FAM78B: variants seen among roughly 807,000 people sequenced by gnomAD.
FAM78B encodes family with sequence similarity 78 member B.
Under a neutral mutation model 20.0 loss-of-function variants are expected in FAM78B, and 10 were observed. The ratio of observed to expected loss-of-function variants is 0.50; its 90% CI spans 0.31 to 0.85. The LOEUF (loss-of-function observed/expected upper bound fraction) is 0.85, where lower values mean the gene tolerates loss of function less well. FAM78B is among the 40% of genes least tolerant of loss of function. FAM78B has a pLI of 0.05. For synonymous variants in FAM78B, 135 were observed against 132.8 expected (o/e 1.02, Z -0.12); for missense variants, 283 against 345.0 (o/e 0.82, Z 1.42).
At chr1:166,157,819 G>A (rs1032947646) in intron 1 of FAM78B, among the ~76,000 whole-genome samples, 4 of 152,124 alleles carry the variant, frequency 2.6e-5, no homozygotes, top group Non-Finnish European at 4.4e-5. Context: ...GTAGGCACAC[G>A]GCTAAAAGCT....
At chr1:166,137,949 G>A (rs899941836) in intron 1 of FAM78B, among the ~76,000 whole-genome samples, 1 of 152,176 alleles carries the variant, frequency 6.6e-6, no homozygotes, top group Non-Finnish European at 1.5e-5. Flanking sequence ...CTGGTCTCAG[G>A]CATGTCTCAG....
intron 2 of FAM78B, among the ~76,000 whole-genome samples, chr1:166,061,953 A>T (rs963441538): frequency 2.0e-4 from 30 of 152,168 alleles, no homozygotes; most frequent in African/African-American, 6.8e-4. Flanking sequence ...CACCACAATG[A>T]CTGCTTTATG....
At chr1:166,116,079 G>A (rs1654240555) in intron 1 of FAM78B, among the ~76,000 whole-genome samples, 1 of 152,196 alleles carries the variant, frequency 6.6e-6, no homozygotes, top group African/African-American at 2.4e-5. Flanking sequence ...ACCCAGCAAA[G>A]CTGGTCAGTT....
intron 1 of FAM78B, chr1:166,164,769 A>T (rs1315661727): frequency 6.6e-6 from 1 of 152,256 alleles, no homozygotes; most frequent in East Asian, 1.9e-4. Context: ...CCCACCCCAT[A>T]TCCATATTAA....
intron 1 of FAM78B, among the ~76,000 whole-genome samples, chr1:166,092,725 G>C (rs1653127053): frequency 6.6e-6 from 1 of 152,122 alleles, no homozygotes; most frequent in African/African-American, 2.4e-5. Flanking sequence ...TTTCATTTTA[G>C]GTCCAACCAT....
intron 1 of FAM78B, among the ~76,000 whole-genome samples, chr1:166,130,855 C>G (rs1280479866): frequency 1.3e-5 from 2 of 152,086 alleles, no homozygotes; most frequent in Non-Finnish European, 2.9e-5. Context: ...CACAGCCAGA[C>G]ACTGTGGCAG....
chr1:166,082,326 T>C (rs1309347777), intron 1 of FAM78B, among the ~76,000 whole-genome samples: 1 of 152,236 alleles, frequency 6.6e-6, no homozygotes, highest in Admixed American at 6.5e-5. Context: ...TGCTGTTCCC[T>C]TTGCCCAGGA....
At chr1:166,111,001 G>A (rs1247270427) in intron 1 of FAM78B, among the ~76,000 whole-genome samples, 1 of 152,162 alleles carries the variant, frequency 6.6e-6, no homozygotes, top group African/African-American at 2.4e-5. Context: ...AGGAGTTGGG[G>A]TGAATAAAAT....
chr1:166,140,070 G>A (rs746395264), intron 1 of FAM78B, among the ~76,000 whole-genome samples: 1 of 152,216 alleles, frequency 6.6e-6, no homozygotes, highest in Non-Finnish European at 1.5e-5. Flanking sequence ...AACGAGCTTA[G>A]AGCACACGTT....
At chr1:166,108,250 G>T (rs1293743849) in intron 1 of FAM78B, among the ~76,000 whole-genome samples, 1 of 152,030 alleles carries the variant, frequency 6.6e-6, no homozygotes, top group Non-Finnish European at 1.5e-5. Flanking sequence ...AAACCCTAAG[G>T]ACTCCTCCAG....
intron 1 of FAM78B, among the ~76,000 whole-genome samples, chr1:166,092,739 A>G (rs1653127635): frequency 6.6e-6 from 1 of 152,200 alleles, no homozygotes; most frequent in African/African-American, 2.4e-5. Flanking sequence ...CAACCATCCC[A>G]AACATACTCT....
In FAM78B at chr1:166,120,747, CAAGAG is replaced by C. The variant is rs573526893; in HGVS notation, c.263+45234_263+45238del. ...AACAGGAGGAGCTAAGGGCTGTCCC[CAAGAG>C]CAGGAGCACGTGGTGAGCAGAGGAC... is the stretch of plus-strand genomic sequence containing the variant. On this transcript the variant is annotated intron_variant, in intron 1 of 1. Coordinates refer to ENST00000354422, the MANE Select transcript of FAM78B (RefSeq NM_001017961.5). 2.1e-5 allele frequency among the ~76,000 whole-genome samples: 3 copies of C among 144,990 alleles called. No individual in the cohort carries two copies. The East Asian group carries it at 6.6e-4, about 32-fold the overall frequency.
rs575931725 is a variant in FAM78B at position 166,144,944 on chromosome 1, T to C, written c.263+21042A>G. 4.6e-5 allele frequency among the ~76,000 whole-genome samples: 7 copies of C among 152,224 alleles called. No individual in the cohort carries two copies. The South Asian group carries it at 1.2e-3, about 27-fold the overall frequency. On this transcript the variant is annotated intron_variant, in intron 1 of 1. Coordinates refer to ENST00000354422, the MANE Select transcript of FAM78B (RefSeq NM_001017961.5). Reference sequence around the variant, plus strand: ...TGGAAGGGAGAAGTTTGGGGTTTCTTTGGAAAAGACAGAGATGGGGTGAGG... The same window carrying C: ...TGGAAGGGAGAAGTTTGGGGTTTCTCTGGAAAAGACAGAGATGGGGTGAGG...
chr1:166,148,686 G>C (rs1361235297), intron 1 of FAM78B, among the ~76,000 whole-genome samples: 4 of 152,218 alleles, frequency 2.6e-5, no homozygotes, highest in Non-Finnish European at 5.9e-5. Flanking sequence ...AAATGAGAGA[G>C]GAGACAACCT....
At chr1:166,117,533 T>C (rs574287169) in intron 1 of FAM78B, among the ~76,000 whole-genome samples, 2 of 152,276 alleles carry the variant, frequency 1.3e-5, no homozygotes, top group African/African-American at 4.8e-5. Flanking sequence ...GTGCAGCTTC[T>C]AGGGGCCCCA....
intron 1 of FAM78B, among the ~76,000 whole-genome samples, chr1:166,114,210 G>A (rs1654173608): frequency 6.6e-6 from 1 of 152,140 alleles, no homozygotes; most frequent in Non-Finnish European, 1.5e-5. Flanking sequence ...ACACATGCAT[G>A]ATCCAACTAA....
At chr1:166,105,278 T>C (rs1008257253) in intron 1 of FAM78B, among the ~76,000 whole-genome samples, 1 of 152,160 alleles carries the variant, frequency 6.6e-6, no homozygotes, top group African/African-American at 2.4e-5. Context: ...GCAATACCAG[T>C]CAGCACATAG....
intron 1 of FAM78B, among the ~76,000 whole-genome samples, chr1:166,091,648 T>C (rs776700169): frequency 1.9e-4 from 29 of 152,328 alleles, no homozygotes; most frequent in Non-Finnish European, 3.4e-4. Flanking sequence ...CCTAATTCTT[T>C]ACTGGTCCTG....
At chr1:166,157,792 C>G (rs562364556) in intron 1 of FAM78B, among the ~76,000 whole-genome samples, 1 of 152,136 alleles carries the variant, frequency 6.6e-6, no homozygotes, top group African/African-American at 2.4e-5. Flanking sequence ...CAGGGCTGCC[C>G]ATTAGGGCCT....
Sources: allele counts gnomAD v4.1 joint callset (sites outside exome capture counted in the v4.1 genomes callset), GRCh38; gene constraint gnomAD v4.1.1; transcripts MANE v1.5; gene names NCBI Gene and HGNC (gene_info 2026-07-23, HGNC 2026-07-21).